FOXP1: variants seen among roughly 807,000 people sequenced by gnomAD.
FOXP1 encodes the protein forkhead box protein P1.
FOXP1 carries 15 observed loss-of-function variants against 98.2 expected under a neutral mutation model. The ratio of observed to expected loss-of-function variants is 0.15; its 90% CI spans 0.10 to 0.24. The LOEUF is 0.24. Ranked by LOEUF, FOXP1 falls within the 10% of genes least tolerant of loss-of-function variation. The pLI, the probability that FOXP1 is intolerant of heterozygous loss-of-function variation, is 1.00. For synonymous variants in FOXP1, 371 were observed against 314.5 expected (o/e 1.18, Z -1.90); for missense variants, 633 against 848.5 (o/e 0.75, Z 3.15).
intron 7 of FOXP1, among the ~76,000 whole-genome samples, chr3:71,087,694 G>A (rs1384164432): frequency 6.6e-6 from 1 of 152,096 alleles, no homozygotes; most frequent in Non-Finnish European, 1.5e-5. Context: ...TTGTGGGTGG[G>A]GAAACTTTGA....
intron 3 of FOXP1, among the ~76,000 whole-genome samples, chr3:71,461,629 C>T (rs908081202): frequency 2.6e-5 from 4 of 151,962 alleles, no homozygotes; most frequent in East Asian, 3.9e-4. Context: ...GATGAAACCC[C>T]GTCTCTACTA....
chr3:71,074,039 G>C (rs1322724628), intron 7 of FOXP1, among the ~76,000 whole-genome samples: 2 of 152,192 alleles, frequency 1.3e-5, no homozygotes, highest in African/African-American at 2.4e-5. Context: ...ATTTGACAAA[G>C]AAAGGGAAAA....
chr3:71,456,263 A>G (rs1024931229), intron 3 of FOXP1, among the ~76,000 whole-genome samples: 39 of 152,110 alleles, frequency 2.6e-4, no homozygotes, highest in African/African-American at 6.8e-4. Flanking sequence ...AGAGAGAGAG[A>G]GGGGACACAC....
At chr3:71,460,694 C>A (rs2087995980) in intron 3 of FOXP1, among the ~76,000 whole-genome samples, 1 of 152,204 alleles carries the variant, frequency 6.6e-6, no homozygotes, top group Non-Finnish European at 1.5e-5. Flanking sequence ...CTGCCTTGGC[C>A]TCCCAAAGTG....
At position 71,209,359 on chromosome 3, in the gene FOXP1, C is replaced by T. The variant is rs186866288; in HGVS notation, c.-11-10967G>A. Among the ~76,000 whole-genome samples the T allele has an allele frequency of 3.3e-3, 497 of 152,230 alleles. 3 individuals carry two copies. Among genetic ancestry groups the T allele is most frequent in the Non-Finnish European group, 5.0e-3 (338 of 68,016 alleles). ...GAAATATATGGGTCAAACACAGATTCGAATCTTTAATGTTTCATCCAGAAG... is the reference window on the plus strand; with the variant it reads ...GAAATATATGGGTCAAACACAGATTTGAATCTTTAATGTTTCATCCAGAAG... On this transcript the variant is annotated intron_variant, in intron 5 of 20. Transcript: ENST00000649528.
At chr3:71,521,104 C>G (rs377566070) in intron 2 of FOXP1, among the ~76,000 whole-genome samples, 1 of 152,048 alleles carries the variant, frequency 6.6e-6, no homozygotes, top group Non-Finnish European at 1.5e-5. Context: ...AAAGTCAAGG[C>G]TAGGTGGTGT....
rs1309687485 is a variant in FOXP1, at chr3:71,389,243, G to A, written c.-167-29999C>T. On this transcript the variant is annotated intron_variant, in intron 3 of 20. Coordinates refer to ENST00000649528, the MANE Select transcript of FOXP1 (RefSeq NM_001349338.3). ...TATGCTATATCTGTAAGCGGCGGGG[G>A]GGGGGGGGGCCGGGGGGGGCGGGTT... Among the ~76,000 whole-genome samples, 52 of 57,028 alleles carry A rather than the reference G, an allele frequency of 9.1e-4. 5 individuals are homozygous for A. Among genetic ancestry groups the A allele is most frequent in the African/African-American group, 3.4e-3 (51 of 14,998 alleles). The allele number at this position is 57,028 out of a possible 152,430, so 37.4% of individuals were successfully genotyped here.
intron 2 of FOXP1, among the ~76,000 whole-genome samples, chr3:71,505,013 T>C (rs1010645049): frequency 4.6e-5 from 7 of 152,092 alleles, no homozygotes; most frequent in Non-Finnish European, 1.0e-4. Flanking sequence ...TGAAGGGAAG[T>C]CCTTTACCCA....
At chr3:71,232,983 C>CTAA (rs924415886) in intron 5 of FOXP1, among the ~76,000 whole-genome samples, 34 of 146,866 alleles carry the variant, frequency 2.3e-4, no homozygotes, top group African/African-American at 6.8e-4. Context: ...ACTACTACTA[C>CTAA]TAATAATAAT....
chr3:71,150,938 G>T (rs1275097648), intron 6 of FOXP1, among the ~76,000 whole-genome samples: 1 of 152,110 alleles, frequency 6.6e-6, no homozygotes, highest in Non-Finnish European at 1.5e-5. Flanking sequence ...TTCCTAGATT[G>T]TAAGATATTT....
chr3:71,337,772 A>G (rs1338721197), intron 4 of FOXP1, among the ~76,000 whole-genome samples: 1 of 152,188 alleles, frequency 6.6e-6, no homozygotes, highest in Non-Finnish European at 1.5e-5. Flanking sequence ...AAAGGTTAAT[A>G]AGCTCTTCTC....
At chr3:71,404,120 CTTT>C (rs869086663) in intron 3 of FOXP1, among the ~76,000 whole-genome samples, 7 of 62,700 alleles carry the variant, frequency 1.1e-4, no homozygotes, top group Non-Finnish European at 2.0e-4. Flanking sequence ...TTTTCTTTTT[CTTT>C]TTTTTTTTTT....
intron 6 of FOXP1, chr3:71,130,630 A>G (rs2059515154): frequency 1.3e-6 from 2 of 1,598,168 alleles, no homozygotes; most frequent in African/African-American, 1.3e-5. Flanking sequence ...GTTTGAATAA[A>G]CAGGAAGTAC....
chr3:71,257,156 T>C (rs2068694058), intron 5 of FOXP1, among the ~76,000 whole-genome samples: 1 of 152,206 alleles, frequency 6.6e-6, no homozygotes, highest in African/African-American at 2.4e-5. Context: ...AGTGCTTCTT[T>C]GTTATGGGTG....
chr3:71,439,236 A>T (rs2085670629), intron 3 of FOXP1, among the ~76,000 whole-genome samples: 1 of 152,152 alleles, frequency 6.6e-6, no homozygotes, highest in African/African-American at 2.4e-5. Context: ...GCTGCTCAGA[A>T]CCCTGGGACC....
At chr3:71,487,560 A>C (rs1193994875) in intron 3 of FOXP1, among the ~76,000 whole-genome samples, 1 of 152,006 alleles carries the variant, frequency 6.6e-6, no homozygotes, top group Non-Finnish European at 1.5e-5. Context: ...CTGAGGCCAC[A>C]TCTACACTCA....
At chr3:71,403,305 AAG>A (rs2082070824) in intron 3 of FOXP1, among the ~76,000 whole-genome samples, 1 of 152,206 alleles carries the variant, frequency 6.6e-6, no homozygotes, top group African/African-American at 2.4e-5. Context: ...ATTTAACAAA[AAG>A]CTCGCCTGGA....
intron 2 of FOXP1, among the ~76,000 whole-genome samples, chr3:71,520,049 A>G (rs1459194286): frequency 6.6e-6 from 1 of 152,262 alleles, no homozygotes; most frequent in African/African-American, 2.4e-5. Context: ...AGACAGGCAG[A>G]CAGACAGAAA....
chr3:71,287,969 C>T (rs1437760605), intron 5 of FOXP1, among the ~76,000 whole-genome samples: 1 of 151,824 alleles, frequency 6.6e-6, no homozygotes, highest in Non-Finnish European at 1.5e-5. Flanking sequence ...CAACCTCTGC[C>T]TCCCGGGTTC....
Sources: gnomAD v4.1 joint callset for allele counts (sites outside exome capture counted in the v4.1 genomes callset) on GRCh38, gnomAD v4.1.1 for gene constraint, MANE v1.5 for transcripts, NCBI Gene and HGNC (gene_info 2026-07-23, HGNC 2026-07-21) for gene names.